ARHGAP23: variants seen among roughly 807,000 people sequenced by gnomAD.
ARHGAP23 encodes rho GTPase-activating protein 23.
In ARHGAP23, 34 loss-of-function variants were observed where a neutral mutation model predicts 136.3. The ratio of observed to expected loss-of-function variants is 0.25; its 90% confidence interval spans 0.19 to 0.33. The LOEUF (loss-of-function observed/expected upper bound fraction) is 0.33. Among genes scored for constraint, ARHGAP23 ranks in the 10% least tolerant of loss-of-function variants. ARHGAP23 has a pLI of 1.00. For missense variants in ARHGAP23, 1,808 were observed against 2,139.0 expected (o/e 0.85, Z 3.05); for synonymous variants, 832 against 920.5 (o/e 0.90, Z 1.74).
At chr17:38,434,541 C>T (rs963633157) in intron 1 of ARHGAP23, among the ~76,000 whole-genome samples, 1 of 152,144 alleles carries the variant, frequency 6.6e-6, no homozygotes, top group African/African-American at 2.4e-5. Flanking sequence ...TAGAAACAGA[C>T]CCGGCCTTGG....
At chr17:38,428,408 G>GC (rs1488112120), upstream of ARHGAP23, 113 of 634,066 alleles carry the variant, frequency 1.8e-4, no homozygotes, top group Non-Finnish European at 2.3e-4. Context: ...GCTCGGCCCC[G>GC]CCCCCGGCCC....
chr17:38,480,358 G>A (rs1390970229), intron 14 of ARHGAP23, among the ~76,000 whole-genome samples: 3 of 152,182 alleles, frequency 2.0e-5, no homozygotes, highest in Non-Finnish European at 4.4e-5. Flanking sequence ...AAAAGGCCGG[G>A]CGCGATGGCT....
rs895196682 is a variant in ARHGAP23, at chr17:38,500,561, G to A, written c.3416-36G>A. 1.9e-6 allele frequency: 3 copies of A among 1,545,220 alleles called. No individual in the cohort carries two copies. In the African/African-American group the frequency reaches 4.1e-5, roughly 21 times the overall value. On this transcript the variant is annotated intron_variant, in intron 22 of 23. Transcript: ENST00000622683. ...AGACTCAGCTTTCTTTTTTCCTGATGCAACTTTCATTTTTTTTTCTGTCTT... is the reference window on the plus strand; with the variant it reads ...AGACTCAGCTTTCTTTTTTCCTGATACAACTTTCATTTTTTTTTCTGTCTT...
At chr17:38,472,853 A>G (rs1305980684) in intron 11 of ARHGAP23, among the ~76,000 whole-genome samples, 2 of 152,218 alleles carry the variant, frequency 1.3e-5, no homozygotes, top group South Asian at 2.1e-4. Context: ...TCATAAGCCT[A>G]TTGCTAAGGA....
intron 1 of ARHGAP23, among the ~76,000 whole-genome samples, chr17:38,434,492 G>GGGGCGGGGCA (rs2038751254): frequency 6.6e-6 from 1 of 152,160 alleles, no homozygotes; most frequent in Non-Finnish European, 1.5e-5. Flanking sequence ...GGGGCGGGGC[G>GGGGCGGGGCA]TGGGGATGAC....
In ARHGAP23 at chr17:38,466,345, G is replaced by A. The variant is rs1268448495; in HGVS notation, c.662G>A (p.Ser221Asn). Residue 221 changes from serine to asparagine, a missense_variant, in exon 7 of 24, where the codon AGT becomes AAT. This residue lies in a region of ARHGAP23 where 859 missense variants were observed against 936.4 expected (regional missense o/e 0.92). Transcript: ENST00000622683. ...TCAGCACTGCCCAGTGACCCCCGGA[G>A]TCCTGCTGCCTGGAGTGACCCGGGG... Reference protein sequence around the residue: ...PTSALPSDPRSPAAWSDPGLR... With the variant: ...PTSALPSDPRNPAAWSDPGLR... The A allele has an allele frequency of 1.9e-6, 3 of 1,542,574 alleles. No individual in the cohort carries two copies. The highest frequency in any genetic ancestry group is 2.6e-6 in the Non-Finnish European group (3 of 1,146,158).
chr17:38,505,152 A>G (rs1169265167), intron 23 of ARHGAP23, among the ~76,000 whole-genome samples: 3 of 151,174 alleles, frequency 2.0e-5, no homozygotes, highest in African/African-American at 7.3e-5. Flanking sequence ...CTACAGGCAC[A>G]CACCACCACT....
intron 8 of ARHGAP23, 30 bp downstream of exon 8, chr17:38,469,329 C>A (rs775633889): frequency 5.6e-5 from 86 of 1,534,440 alleles, no homozygotes; most frequent in Non-Finnish European, 7.2e-5. Flanking sequence ...CCAGCCCCAC[C>A]CTCTCCCTCG....
At chr17:38,506,873 G>A (rs1379029896) in intron 23 of ARHGAP23, among the ~76,000 whole-genome samples, 1 of 152,204 alleles carries the variant, frequency 6.6e-6, no homozygotes, top group African/African-American at 2.4e-5. Flanking sequence ...ATTTCTGTCT[G>A]GGTCTCTGAG....
At chr17:38,490,318 T>C in intron 18 of ARHGAP23, 143 bp downstream of exon 18, 1 of 1,126,852 alleles carries the variant, frequency 8.9e-7, no homozygotes. Context: ...AGTTTCCCCG[T>C]CCATACAAGA....
upstream of ARHGAP23, among the ~76,000 whole-genome samples, chr17:38,425,174 A>C (rs940604816): frequency 1.4e-4 from 21 of 150,498 alleles, no homozygotes; most frequent in Middle Eastern, 3.6e-3. Context: ...CCAGCGTCAC[A>C]CCCCCGCCTG....
At chr17:38,484,405 A>C (rs967771832) in intron 16 of ARHGAP23, among the ~76,000 whole-genome samples, 5 of 152,166 alleles carry the variant, frequency 3.3e-5, no homozygotes, top group Non-Finnish European at 7.4e-5. Flanking sequence ...GCATGGGGTG[A>C]GGGCATAAAC....
At chr17:38,432,815 T>C (rs2038714176) in intron 1 of ARHGAP23, among the ~76,000 whole-genome samples, 1 of 152,110 alleles carries the variant, frequency 6.6e-6, no homozygotes, top group South Asian at 2.1e-4. Flanking sequence ...GGCAACATAA[T>C]GAGACCCTGT....
intron 6 of ARHGAP23, among the ~76,000 whole-genome samples, chr17:38,465,091 G>A (rs1245046907): frequency 2.0e-5 from 3 of 151,750 alleles, no homozygotes; most frequent in African/African-American, 4.8e-5. Context: ...GGGGTTAGCC[G>A]GAGCTGGGGG....
chr17:38,490,937 G>A (rs2040264201), intron 19 of ARHGAP23, among the ~76,000 whole-genome samples: 1 of 152,164 alleles, frequency 6.6e-6, no homozygotes, highest in Non-Finnish European at 1.5e-5. Flanking sequence ...TGTTTGTTTT[G>A]AGACGAAGTC....
At position 38,477,431 on chromosome 17, in the gene ARHGAP23, G is replaced by A; in HGVS notation, c.2119-148G>A. On this transcript the variant is annotated intron_variant, in intron 11 of 23. Coordinates refer to ENST00000622683, the MANE Select transcript of ARHGAP23 (RefSeq NM_001199417.2). This position sits in a 1 kb window ranked among gnomAD's most constrained non-coding sequence, Gnocchi z 6.6. ...ATTGGTGGGCTGTGGGCAGGAGGCT[G>A]CCCAGGTCTAGCCGGGTGGAGCAGG... is the stretch of plus-strand genomic sequence containing the variant. 13 of 745,828 alleles carry A rather than the reference G, an allele frequency of 1.7e-5. No individual in the cohort carries two copies. The highest frequency in any genetic ancestry group is 2.3e-5 in the Non-Finnish European group (13 of 574,580). 46.2% of individuals were successfully genotyped at this position (745,828 alleles called of 1,614,324 possible). A position where few individuals can be genotyped will look rare whatever the true frequency, so the allele number is the denominator to read the frequency against.
rs1048414211 is a variant in ARHGAP23 at position 38,466,716 on chromosome 17, G to A, written c.1033G>A (p.Gly345Ser). 1.3e-6 allele frequency: 2 copies of A among 1,537,768 alleles called. No homozygotes were observed. The highest frequency in any genetic ancestry group is 1.8e-6 in the Non-Finnish European group (2 of 1,141,252). ...QDALSQLGQE[G>S]WHRARSDDYL... is the part of the protein sequence containing the mutation. ...TGCTTTGAGCCAGCTGGGCCAGGAGGGCTGGCACCGAGCTCGCTCAGATGA... is the reference window on the plus strand; with the variant it reads ...TGCTTTGAGCCAGCTGGGCCAGGAGAGCTGGCACCGAGCTCGCTCAGATGA... The change falls in exon 7 of 24, where the codon GGC becomes AGC. Residue 345 changes from glycine to serine, a missense_variant. Gly to Ser is a moderately conservative substitution (Grantham distance 56, BLOSUM62 0). Transcript: ENST00000622683.
chr17:38,465,930 C>T (rs35785350), intron 6 of ARHGAP23, among the ~76,000 whole-genome samples: 33 of 152,060 alleles, frequency 2.2e-4, no homozygotes, highest in African/African-American at 6.3e-4. Flanking sequence ...ACAGTCTTAG[C>T]GAAATCCCAC....
intron 6 of ARHGAP23, 82 bp downstream of exon 6, chr17:38,463,464 T>C: frequency 6.7e-7 from 1 of 1,496,162 alleles, no homozygotes; most frequent in Non-Finnish European, 9.1e-7. Context: ...GAGAAGGAAG[T>C]GTTTGGAGGG....
Sources: gnomAD v4.1 joint callset for allele counts (sites outside exome capture counted in the v4.1 genomes callset) on GRCh38, gnomAD v4.1.1 for gene constraint, gnomAD v4.1.1 regional missense constraint, Gnocchi (gnomAD v3.1) non-coding constraint, MANE v1.5 for transcripts, NCBI Gene and HGNC (gene_info 2026-07-23, HGNC 2026-07-21) for gene names.